The following UNC79 variants were observed in gnomAD, a reference collection of about 807,000 sequenced individuals.
The protein encoded by UNC79 is unc-79 subunit of NALCN channel complex.
UNC79 carries 37 observed loss-of-function variants against 283.1 expected under a neutral mutation model. The observed-to-expected ratio is 0.13, with a 90% CI of 0.10 to 0.17. The LOEUF (loss-of-function observed/expected upper bound fraction) is 0.17. Among genes scored for constraint, UNC79 ranks in the 10% least tolerant of loss-of-function variants. The probability of loss-of-function intolerance (pLI) is 1.00; values close to 1 mark genes in which losing one functional copy is unlikely to be tolerated. For synonymous variants in UNC79, 1,107 were observed against 1,200.2 expected, an observed-to-expected ratio of 0.92 and a Z score of 1.61; for missense variants, 2,272 against 3,211.1, an observed-to-expected ratio of 0.71 and a Z score of 7.07.
At chr14:93,337,388 C>T (rs938810332) in intron 1 of UNC79, among the ~76,000 whole-genome samples, 2 of 152,222 alleles carry the variant, frequency 1.3e-5, no homozygotes, top group Admixed American at 6.5e-5. Flanking sequence ...CGGGAACCTT[C>T]GAGTGGCAGG....
chr14:93,507,304 A>G (rs965261044), intron 7 of UNC79, among the ~76,000 whole-genome samples: 4 of 152,224 alleles, frequency 2.6e-5, no homozygotes, highest in African/African-American at 9.6e-5. Context: ...AGAAGTATCT[A>G]AACAGTTTTC....
chr14:93,621,654 G>A lies in UNC79; in HGVS notation c.4421G>A (p.Gly1474Asp). 3 of 1,596,734 alleles carry A rather than the reference G, an allele frequency of 1.9e-6. No individual in the cohort carries two copies. The highest frequency in any genetic ancestry group is 1.1e-5 in the South Asian group (1 of 88,280). ...GAACTGGCTGAATATAGAGAGACGGGTGCATTACAAGACAGCCTTCTCCAC... is the reference window on the plus strand; with the variant it reads ...GAACTGGCTGAATATAGAGAGACGGATGCATTACAAGACAGCCTTCTCCAC... Residue 1474 changes from glycine (G) to aspartate (D), a missense_variant, in exon 30 of 49, where the codon GGT (glycine) becomes GAT (aspartate). Physicochemically the swap from Gly to Asp is moderately conservative, Grantham distance 94. Transcript: ENST00000555664. This position sits in a 1 kb window ranked among gnomAD's most constrained non-coding sequence, Gnocchi z 4.8.
At chr14:93,555,959 T>C (rs1272502199) in intron 14 of UNC79, among the ~76,000 whole-genome samples, 4 of 152,144 alleles carry the variant, frequency 2.6e-5, no homozygotes, top group African/African-American at 9.7e-5. Context: ...GTTTTTAAAT[T>C]GGGTTCAGGG....
intron 1 of UNC79, among the ~76,000 whole-genome samples, chr14:93,350,410 C>T (rs2053959520): frequency 6.6e-6 from 1 of 151,878 alleles, no homozygotes; most frequent in Admixed American, 6.6e-5. Flanking sequence ...AAATTTTTGT[C>T]TTAAAGTAAA....
At chr14:93,686,585 C>T (rs374424863) in exon 43 of UNC79, 31 of 1,613,998 alleles carry the variant, frequency 1.9e-5, no homozygotes, top group Non-Finnish European at 2.5e-5. Flanking sequence ...GGGACTGCAG[C>T]GATGGAGTGT....
At chr14:93,588,358 T>C (rs74549148) in intron 22 of UNC79, among the ~76,000 whole-genome samples, 2,566 of 152,240 alleles carry the variant, frequency 0.017, 37 homozygotes, top group South Asian at 0.086. Flanking sequence ...AATGCAGAAC[T>C]TTTTTCTGAA....
chr14:93,364,996 G>C (rs2054299622), intron 1 of UNC79, among the ~76,000 whole-genome samples: 1 of 152,238 alleles, frequency 6.6e-6, no homozygotes, highest in Middle Eastern at 3.4e-3. Context: ...ACTTTGAGAG[G>C]CTGAGGAGGG....
intron 1 of UNC79, among the ~76,000 whole-genome samples, chr14:93,368,942 A>G (rs1246480955): frequency 3.3e-5 from 5 of 152,212 alleles, no homozygotes; most frequent in Non-Finnish European, 7.3e-5. Flanking sequence ...AAAGGCATTC[A>G]ATGTTTATTT....
rs1555404554 is a variant in UNC79, at chr14:93,404,493, A to AT, written c.-350-63178_-350-63177insT. Among the ~76,000 whole-genome samples, 76 of 61,506 alleles carry AT rather than the reference A, an allele frequency of 1.2e-3. 2 individuals carry two copies. The East Asian group carries it at 0.014, about 12-fold the overall frequency. The allele number at this position is 61,506 out of a possible 152,430, so 40.4% of individuals were successfully genotyped here. A position where few individuals can be genotyped will look rare whatever the true frequency, so the allele number is the denominator to read the frequency against. On this transcript the variant is annotated intron_variant, in intron 1 of 49. Coordinates refer to the UNC79 transcript ENST00000256339. Reference sequence around the variant, plus strand: ...TGACAGAGTGAGACCTTCTAAAAAAAATATATATATATATATATATAAATA... The same window carrying AT: ...TGACAGAGTGAGACCTTCTAAAAAAATATATATATATATATATATATAAATA...
At chr14:93,566,628 C>T (rs896932981) in intron 14 of UNC79, among the ~76,000 whole-genome samples, 3 of 144,956 alleles carry the variant, frequency 2.1e-5, no homozygotes, top group Admixed American at 7.5e-5. Flanking sequence ...ACCCTTAGGC[C>T]AGTTTCTGGA....
intron 26 of UNC79, among the ~76,000 whole-genome samples, chr14:93,612,307 T>G (rs2066372444): frequency 6.6e-6 from 1 of 152,228 alleles, no homozygotes; most frequent in Non-Finnish European, 1.5e-5. Flanking sequence ...CACTAGCTGA[T>G]TAATGAACAT....
intron 47 of UNC79, 27 bp downstream of exon 50, chr14:93,694,439 A>G: frequency 6.3e-7 from 1 of 1,578,912 alleles, no homozygotes; most frequent in South Asian, 1.1e-5. Context: ...ATTTTTAAAG[A>G]CCATTTCTTA....
chr14:93,361,260 G>GAAA lies in UNC79; in HGVS notation c.-351+27737_-351+27738insAAA, dbSNP rs1566892296. Among the ~76,000 whole-genome samples the GAAA allele has an allele frequency of 5.7e-3, 316 of 55,114 alleles. 10 individuals are homozygous for GAAA. The South Asian group carries it at 0.083, about 15-fold the overall frequency. The allele number at this position is 55,114 out of a possible 152,430, so 36.2% of individuals were successfully genotyped here. ...AAGAAAAGAAAAGAAAAGAAAAGAAGGAGGCACAACGCCTAGCAGGCCTGT... is the reference window on the plus strand; with the variant it reads ...AAGAAAAGAAAAGAAAAGAAAAGAAGAAAGAGGCACAACGCCTAGCAGGCCTGT... On this transcript the variant is annotated intron_variant, in intron 1 of 49. Transcript: ENST00000256339.
chr14:93,366,167 A>T (rs993963080), intron 1 of UNC79, among the ~76,000 whole-genome samples: 16 of 152,210 alleles, frequency 1.1e-4, no homozygotes, highest in African/African-American at 3.9e-4. Context: ...CAAACTAAAG[A>T]TGTGCAAGGC....
intron 1 of UNC79, among the ~76,000 whole-genome samples, chr14:93,416,331 T>C (rs1047129592): frequency 2.0e-5 from 3 of 148,110 alleles, no homozygotes; most frequent in Non-Finnish European, 4.5e-5. Context: ...TTGAGCAGTT[T>C]TGAGTGAGTT....
At chr14:93,580,712 T>C (rs1462350709) in intron 19 of UNC79, among the ~76,000 whole-genome samples, 1 of 152,152 alleles carries the variant, frequency 6.6e-6, no homozygotes, top group Non-Finnish European at 1.5e-5. Context: ...CTGTAAAATG[T>C]ATTTTTTTTT....
chr14:93,633,786 A>G (rs2068252769), intron 31 of UNC79, among the ~76,000 whole-genome samples: 1 of 152,174 alleles, frequency 6.6e-6, no homozygotes, highest in Non-Finnish European at 1.5e-5. Context: ...CACTGATGGG[A>G]TATGTTTCAA....
In UNC79 at chr14:93,683,025, T is replaced by G. The variant is rs866618411; in HGVS notation, c.6819+331T>G. On this transcript the variant is annotated intron_variant, in intron 42 of 48. Coordinates refer to ENST00000555664, the Ensembl canonical transcript of UNC79. Reference sequence around the variant, plus strand: ...TTGATATTTTAGTTATTTTCTATATTTTTCTATTGTAACTAATATGCAAAG... The same window carrying G: ...TTGATATTTTAGTTATTTTCTATATGTTTCTATTGTAACTAATATGCAAAG... Among the ~76,000 whole-genome samples, 5 of 152,340 alleles carry G rather than the reference T, an allele frequency of 3.3e-5. No homozygotes were observed. In the Middle Eastern group the frequency reaches 0.01, roughly 311 times the overall value.
chr14:93,414,025 A>G (rs1362960207), intron 1 of UNC79, among the ~76,000 whole-genome samples: 1 of 152,044 alleles, frequency 6.6e-6, no homozygotes, highest in Non-Finnish European at 1.5e-5. Context: ...GAAGCTCTCT[A>G]GTTTAATTAG....
Sources: allele counts gnomAD v4.1 joint callset (sites outside exome capture counted in the v4.1 genomes callset), GRCh38; gene constraint gnomAD v4.1.1; non-coding constraint Gnocchi (gnomAD v3.1); transcripts MANE v1.5; gene names NCBI Gene and HGNC (gene_info 2026-07-23, HGNC 2026-07-21).